The following DDX23 variants were observed in gnomAD, a reference collection of about 807,000 sequenced individuals.
DDX23 encodes the protein DEAD-box helicase 23.
A neutral mutation model predicts 102.7 loss-of-function variants in DDX23; 33 were observed. That is an observed-to-expected ratio of 0.32 (90% CI 0.24 to 0.43). DDX23 has a LOEUF of 0.43. DDX23 is among the 20% of genes least tolerant of loss of function. DDX23 has a pLI of 1.00. For synonymous variants in DDX23, 352 were observed against 376.0 expected (o/e 0.94, Z 0.74); for missense variants, 549 against 1,086.6 (o/e 0.51, Z 6.96).
At position 48,843,819 on chromosome 12, in the gene DDX23, A is replaced by C; in HGVS notation, c.320+121T>G. ...AGCCTCAGCCTCCCAAAGTGCTGGG[A>C]TTACAGGCGTGAGCCACCACGCCTG... On this transcript the variant is annotated intron_variant, in intron 3 of 16. Coordinates refer to ENST00000308025, the MANE Select transcript of DDX23 (RefSeq NM_004818.3). 3.9e-6 allele frequency: 4 copies of C among 1,034,724 alleles called. No individual in the cohort carries two copies. In the South Asian group the frequency reaches 5.6e-5, roughly 15 times the overall value. The allele number at this position is 1,034,724 out of a possible 1,614,324, so 64.1% of individuals were successfully genotyped here.
Position 48,830,351 on chromosome 12 carries a change from G to T in DDX23, c.*118C>A. ...AGGGTCTGGGCTAGGGAGTTGGATT[G>T]TTTTCCTAAGCCCCCATATCCCAAG... On this transcript the variant is annotated 3_prime_UTR_variant, in exon 17 of 17. Coordinates refer to ENST00000308025, the MANE Select transcript of DDX23 (RefSeq NM_004818.3). The surrounding 1 kb of genome is among the most constrained non-coding windows in gnomAD (Gnocchi z 4.9). 8.0e-7 allele frequency: 1 copy of T among 1,245,920 alleles called. No individual in the cohort carries two copies. The highest frequency in any genetic ancestry group is 1.2e-6 in the Non-Finnish European group (1 of 866,530). The allele number at this position is 1,245,920 out of a possible 1,614,324, so 77.2% of individuals were successfully genotyped here.
At chr12:48,835,418 TAA>T (rs1938456047) in intron 11 of DDX23, among the ~76,000 whole-genome samples, 1 of 151,580 alleles carries the variant, frequency 6.6e-6, no homozygotes, top group Non-Finnish European at 1.5e-5. Flanking sequence ...ACTAAAAATG[TAA>T]AAATTAAGGA....
At chr12:48,831,480 G>C (rs1328105526) in intron 15 of DDX23, among the ~76,000 whole-genome samples, 164 bp from the exon 16 acceptor site, 1 of 152,180 alleles carries the variant, frequency 6.6e-6, no homozygotes, top group African/African-American at 2.4e-5. Flanking sequence ...GAGAGAACAA[G>C]TGAGCTGAAG....
chr12:48,836,351 A>G lies in DDX23; in HGVS notation c.1237-85T>C. 1 of 1,498,300 alleles carries G rather than the reference A, an allele frequency of 6.7e-7. No homozygotes were observed. Among genetic ancestry groups the G allele is most frequent in the South Asian group, 1.2e-5 (1 of 84,526 alleles). The allele number at this position is 1,498,300 out of a possible 1,614,324, so 92.8% of individuals were successfully genotyped here. A position where few individuals can be genotyped will look rare whatever the true frequency, so the allele number is the denominator to read the frequency against. ...ACTGATAGTAGTAAGCACATCTGCT[A>G]GCACAATGGAAGGATGCCAAGTACA... On this transcript the variant is annotated intron_variant, in intron 10 of 16. Coordinates refer to ENST00000308025, the MANE Select transcript of DDX23 (RefSeq NM_004818.3). This position sits in a 1 kb window ranked among gnomAD's most constrained non-coding sequence, Gnocchi z 6.1.
chr12:48,849,589 G>A (rs1938725347), intron 1 of DDX23, among the ~76,000 whole-genome samples: 1 of 150,420 alleles, frequency 6.6e-6, no homozygotes, highest in African/African-American at 2.5e-5. Context: ...AACCCAGGAG[G>A]TGCGGGTTGT....
intron 11 of DDX23, chr12:48,834,863 G>A (rs1202916611): frequency 1.0e-5 from 2 of 192,834 alleles, no homozygotes; most frequent in Admixed American, 1.1e-4. Flanking sequence ...GAACCCAGGA[G>A]ACAGAGGTTG....
At chr12:48,831,433 AGG>A in intron 15 of DDX23, 117 bp from the exon 16 acceptor site, 1 of 941,992 alleles carries the variant, frequency 1.1e-6, no homozygotes, top group Admixed American at 1.9e-5. Context: ...AGTACGAGAA[AGG>A]AAAGGAAACA....
At position 48,837,628 on chromosome 12, in the gene DDX23, G is replaced by A. The variant is rs1306994953; in HGVS notation, c.649C>T (p.Arg217Cys). ...EDPQERERRE[R>C]RERMERETNG... ...GTCTCCCGTTCCATCCTCTCCCTGC[G>A]TTCCCGACGTTCCCGTTCCTGAGGA... Residue 217 changes from arginine to cysteine, a missense_variant, in exon 7 of 17, where the codon CGC (arginine) becomes TGC (cysteine). Around this residue, in one of 4 missense-constraint regions of DDX23, gnomAD observed 270 missense variants for 707.0 expected, o/e 0.38. Transcript: ENST00000308025. The A allele has an allele frequency of 1.9e-6, 3 of 1,613,712 alleles. No homozygotes were observed. The highest frequency in any genetic ancestry group is 1.3e-5 in the African/African-American group (1 of 74,760).
Position 48,843,891 on chromosome 12 carries a change from G to T in DDX23, c.320+49C>A, listed in dbSNP as rs1565678735. ...GAAGCTGAGCAAACTCAGGTGCAGA[G>T]AAGAAATGGGAGCATTCCCCTAAAG... is the stretch of plus-strand genomic sequence containing the variant. On this transcript the variant is annotated intron_variant, in intron 3 of 16. Coordinates refer to ENST00000308025, the MANE Select transcript of DDX23 (RefSeq NM_004818.3). The T allele has an allele frequency of 5.0e-6, 8 of 1,591,846 alleles. No homozygotes were observed. In the East Asian group the frequency reaches 1.8e-4, roughly 36 times the overall value.
chr12:48,833,627 G>A (rs953399080), intron 12 of DDX23, 108 bp from the exon 13 acceptor site: 2 of 1,376,106 alleles, frequency 1.5e-6, no homozygotes, highest in African/African-American at 2.9e-5. Flanking sequence ...GAGGAACTTG[G>A]ACCCCAACCT....
intron 1 of DDX23, among the ~76,000 whole-genome samples, chr12:48,846,436 AG>A (rs1237536990): frequency 6.6e-6 from 1 of 152,216 alleles, no homozygotes; most frequent in Non-Finnish European, 1.5e-5. Context: ...CCAACCCACT[AG>A]GATCAGTTAG....
chr12:48,835,536 C>T (rs1180236200), intron 11 of DDX23, among the ~76,000 whole-genome samples: 2 of 152,120 alleles, frequency 1.3e-5, no homozygotes, highest in East Asian at 1.9e-4. Flanking sequence ...ATTGAGACCC[C>T]GTCTCTACTA....
At chr12:48,850,112 G>C (rs1938732867) in intron 1 of DDX23, among the ~76,000 whole-genome samples, 1 of 152,200 alleles carries the variant, frequency 6.6e-6, no homozygotes, top group Non-Finnish European at 1.5e-5. Context: ...ATATAGCAGA[G>C]AGACAGAGTG....
At chr12:48,831,604 AG>A (rs1938387798) in intron 15 of DDX23, among the ~76,000 whole-genome samples, 1 of 152,200 alleles carries the variant, frequency 6.6e-6, no homozygotes, top group East Asian at 1.9e-4. Flanking sequence ...AAAGAGAATT[AG>A]GGGCGAGATC....
rs1247542702 is a variant in DDX23, at chr12:48,836,024, C to A, written c.1382+97G>T. ...CAACAAAGAATAAAGAAGAAAGCTT[C>A]TGATTATAGACGTAAAACAAAAATC... On this transcript the variant is annotated intron_variant, in intron 11 of 16. Transcript: ENST00000308025. The surrounding 1 kb of genome is among the most constrained non-coding windows in gnomAD (Gnocchi z 6.1). The A allele has an allele frequency of 7.5e-7, 1 of 1,330,186 alleles. No individual in the cohort carries two copies. The highest frequency in any genetic ancestry group is 1.1e-6 in the Non-Finnish European group (1 of 950,078). The allele number at this position is 1,330,186 out of a possible 1,614,324, so 82.4% of individuals were successfully genotyped here. A position where few individuals can be genotyped will look rare whatever the true frequency, so the allele number is the denominator to read the frequency against.
intron 3 of DDX23, among the ~76,000 whole-genome samples, chr12:48,842,817 A>C (rs1160355967): frequency 6.6e-6 from 1 of 152,238 alleles, no homozygotes. Flanking sequence ...CTCATTGAGA[A>C]CGGACCATGA....
At chr12:48,841,435 C>T (rs556260947) in intron 3 of DDX23, among the ~76,000 whole-genome samples, 122 of 152,264 alleles carry the variant, frequency 8.0e-4, no homozygotes, top group South Asian at 1.9e-3. Flanking sequence ...AGAAAAGCTT[C>T]AGGCTCCCTC....
Position 48,831,236 on chromosome 12 carries a change from C to T in DDX23, c.2145G>A (p.Lys715=). The change falls in exon 16 of 17, where the codon AAG becomes AAA. Residue 715 remains lysine, a synonymous_variant. Transcript: ENST00000308025. ...FALSNLKAGA[K]DILVATDVAG... ...CCACATCTGTAGCCACCAAAATATCCTTGGCCCCAGCCTTGAGGTTGGACA... is the reference window on the plus strand; with the variant it reads ...CCACATCTGTAGCCACCAAAATATCTTTGGCCCCAGCCTTGAGGTTGGACA... 6.2e-7 allele frequency: 1 copy of T among 1,614,238 alleles called. No homozygotes were observed.
intron 11 of DDX23, chr12:48,835,084 A>C (rs1723244245): frequency 5.4e-6 from 1 of 184,704 alleles, no homozygotes; most frequent in African/African-American, 2.4e-5. Context: ...GTTTCTACAA[A>C]AAATACAAAA....
Sources: allele counts gnomAD v4.1 joint callset (sites outside exome capture counted in the v4.1 genomes callset), GRCh38; gene constraint gnomAD v4.1.1; regional missense constraint gnomAD v4.1.1; non-coding constraint Gnocchi (gnomAD v3.1); transcripts MANE v1.5; gene names NCBI Gene and HGNC (gene_info 2026-07-23, HGNC 2026-07-21).